Variants in OSBPL10 observed in about 807,000 individuals in gnomAD.
OSBPL10 encodes oxysterol-binding protein-related protein 10.
In OSBPL10, 49 loss-of-function variants were observed where a neutral mutation model predicts 81.7. That is an observed-to-expected ratio of 0.60 (90% confidence interval 0.48 to 0.76). The LOEUF is 0.76. Among genes scored for constraint, OSBPL10 ranks in the 30% least tolerant of loss-of-function variants. The pLI is 0.00. For missense variants in OSBPL10, 923 were observed against 987.8 expected (o/e 0.93, Z 0.88); for synonymous variants, 419 against 383.6 (o/e 1.09, Z -1.08).
At chr3:31,928,743 C>T (rs1180997832) in intron 1 of OSBPL10, among the ~76,000 whole-genome samples, 3 of 132,076 alleles carry the variant, frequency 2.3e-5, no homozygotes, top group Admixed American at 8.4e-5. Flanking sequence ...CCAGTCTGGG[C>T]GACAGTGAGA....
At chr3:31,883,656 C>T (rs1392658182) in intron 1 of OSBPL10, among the ~76,000 whole-genome samples, 2 of 151,946 alleles carry the variant, frequency 1.3e-5, no homozygotes. Flanking sequence ...CTCAGCCTCC[C>T]GAGTAGCTGA....
intron 6 of OSBPL10, among the ~76,000 whole-genome samples, chr3:31,705,843 G>A (rs2125601650): frequency 6.6e-6 from 1 of 152,172 alleles, no homozygotes; most frequent in South Asian, 2.1e-4. Context: ...GCAGAACAGT[G>A]TTCCCCCATC....
chr3:31,908,301 A>T (rs1205301500), intron 1 of OSBPL10, among the ~76,000 whole-genome samples: 1 of 152,186 alleles, frequency 6.6e-6, no homozygotes, highest in Non-Finnish European at 1.5e-5. Context: ...ACATGACACT[A>T]GCAGCTCACT....
chr3:31,964,409 G>A (rs62244383), intron 1 of OSBPL10, among the ~76,000 whole-genome samples: 13,192 of 152,002 alleles, frequency 0.087, 1,071 homozygotes, highest in East Asian at 0.47. Flanking sequence ...TGCCCGCCTC[G>A]GCCTCCCATA....
rs145598812 is a variant in OSBPL10 at position 31,705,911 on chromosome 3, T to G, written c.1096-3403A>C. Among the ~76,000 whole-genome samples the G allele has an allele frequency of 2.7e-3, 410 of 152,312 alleles. 3 individuals carry two copies. The highest frequency in any genetic ancestry group is 9.5e-3 in the African/African-American group (394 of 41,572). On this transcript the variant is annotated intron_variant, in intron 6 of 11. Coordinates refer to ENST00000396556, the MANE Select transcript of OSBPL10 (RefSeq NM_017784.5). ...TACTGCTGAGAGAATTTATAAGACT[T>G]AAGCAGAAGAATCTTCAGATCCCCC...
At position 31,661,036 on chromosome 3, in the gene OSBPL10, C is replaced by A. The variant is rs1200969933; in HGVS notation, c.*1036G>T. 6.6e-6 allele frequency: 1 copy of A among 152,634 alleles called. No individual in the cohort carries two copies. The highest frequency in any genetic ancestry group is 2.4e-5 in the African/African-American group (1 of 41,434). The allele number at this position is 152,634 out of a possible 1,614,324, so 9.5% of individuals were successfully genotyped here. A position where few individuals can be genotyped will look rare whatever the true frequency, so the allele number is the denominator to read the frequency against. ...TTTTCCTTGCTTTGTATTTTCGTCA[C>A]TCCTTTGACCTCATGTGTAAAGGCT... On this transcript the variant is annotated 3_prime_UTR_variant, in exon 12 of 12. Coordinates refer to ENST00000396556, the MANE Select transcript of OSBPL10 (RefSeq NM_017784.5).
intron 1 of OSBPL10, among the ~76,000 whole-genome samples, chr3:31,933,978 C>T (rs756377805): frequency 1.5e-4 from 23 of 150,068 alleles, no homozygotes; most frequent in Middle Eastern, 3.4e-3. Flanking sequence ...GATAGTATGA[C>T]GAAAATAAAT....
chr3:31,899,228 C>T (rs1227578243), intron 1 of OSBPL10, among the ~76,000 whole-genome samples: 2 of 152,016 alleles, frequency 1.3e-5, no homozygotes, highest in African/African-American at 4.8e-5. Context: ...AGGCGTAAGC[C>T]ACCACATCAG....
chr3:31,669,057 C>G (rs763271929), intron 9 of OSBPL10, among the ~76,000 whole-genome samples: 1 of 152,014 alleles, frequency 6.6e-6, no homozygotes, highest in Non-Finnish European at 1.5e-5. Context: ...TAGATTAGTT[C>G]ATAGTAATAC....
intron 3 of OSBPL10, among the ~76,000 whole-genome samples, chr3:31,840,826 G>A (rs1217456586): frequency 6.6e-6 from 1 of 152,188 alleles, no homozygotes; most frequent in Non-Finnish European, 1.5e-5. Context: ...TCCCAGTAAG[G>A]CACTTTTGCC....
chr3:31,955,637 A>G (rs993259977), intron 1 of OSBPL10, among the ~76,000 whole-genome samples: 5 of 152,188 alleles, frequency 3.3e-5, no homozygotes, highest in African/African-American at 9.7e-5. Context: ...TTTTGCCACA[A>G]GGAGAATTTA....
chr3:31,736,606 C>G (rs1245372472), intron 5 of OSBPL10, among the ~76,000 whole-genome samples: 1 of 152,158 alleles, frequency 6.6e-6, no homozygotes, highest in Non-Finnish European at 1.5e-5. Flanking sequence ...AACAGTTGTT[C>G]CATAGATAGA....
chr3:32,026,056 A>ATAGATGATAGATAGATAGATGAT lies in OSBPL10; in HGVS notation n.298+20434_298+20435insATCATCTATCTATCTATCATCTA, dbSNP rs1553649783. On this transcript the variant is annotated intron_variant and non_coding_transcript_variant, in intron 2 of 3. Transcript: ENST00000479173. ...GATAGATAGATAGATAGATAGATAG[A>ATAGATGATAGATAGATAGATGAT]TGATAGATAGATAGATAGATAGATA... 2.5e-3 allele frequency among the ~76,000 whole-genome samples: 259 copies of ATAGATGATAGATAGATAGATGAT among 104,344 alleles called. 2 individuals are homozygous for ATAGATGATAGATAGATAGATGAT. The highest frequency in any genetic ancestry group is 2.9e-3 in the South Asian group (9 of 3,092). 68.5% of individuals were successfully genotyped at this position (104,344 alleles called of 152,430 possible). A position where few individuals can be genotyped will look rare whatever the true frequency, so the allele number is the denominator to read the frequency against.
chr3:31,865,537 T>G (rs1292338450), intron 3 of OSBPL10, among the ~76,000 whole-genome samples: 5 of 152,182 alleles, frequency 3.3e-5, no homozygotes, highest in African/African-American at 1.2e-4. Context: ...ATTCATTTGT[T>G]GAGATCCTAA....
chr3:31,980,859 A>T, intron 1 of OSBPL10, 40 bp downstream of exon 1: 2 of 1,521,530 alleles, frequency 1.3e-6, no homozygotes, highest in Non-Finnish European at 8.8e-7. Flanking sequence ...ACACACACAC[A>T]CACAGCGGCG....
intron 6 of OSBPL10, among the ~76,000 whole-genome samples, chr3:31,723,719 C>A (rs1015315445): frequency 3.9e-5 from 6 of 152,312 alleles, no homozygotes; most frequent in South Asian, 4.1e-4. Context: ...GATACAAGAA[C>A]TCATCGATTA....
chr3:31,911,639 A>C (rs866356451), intron 1 of OSBPL10, among the ~76,000 whole-genome samples: 4 of 151,894 alleles, frequency 2.6e-5, no homozygotes, highest in African/African-American at 9.7e-5. Flanking sequence ...AAAAAAAAAA[A>C]CTCATGTTTT....
At chr3:31,836,115 T>C (rs1326226458) in intron 3 of OSBPL10, among the ~76,000 whole-genome samples, 1 of 152,216 alleles carries the variant, frequency 6.6e-6, no homozygotes, top group Non-Finnish European at 1.5e-5. Flanking sequence ...ATGATTAGCT[T>C]TTCAAATTTG....
intron 1 of OSBPL10, among the ~76,000 whole-genome samples, chr3:32,076,152 G>A (rs991919085): frequency 1.3e-5 from 2 of 152,090 alleles, no homozygotes; most frequent in South Asian, 2.1e-4. Flanking sequence ...GGTGGATCAC[G>A]AGGTCAGGAG....
Sources: allele counts gnomAD v4.1 joint callset (sites outside exome capture counted in the v4.1 genomes callset), GRCh38; gene constraint gnomAD v4.1.1; transcripts MANE v1.5; gene names NCBI Gene and HGNC (gene_info 2026-07-23, HGNC 2026-07-21).